Variants in TC2N observed in about 807,000 individuals in gnomAD.
TC2N encodes the protein tandem C2 domains nuclear protein.
A neutral mutation model predicts 61.9 loss-of-function variants in TC2N; 51 were observed. That is an observed-to-expected ratio of 0.82 (90% confidence interval 0.66 to 1.04). The LOEUF (loss-of-function observed/expected upper bound fraction) is 1.04. TC2N is among the 50% of genes least tolerant of loss of function. The pLI is 0.00. For synonymous variants in TC2N, 204 were observed against 192.6 expected (o/e 1.06, Z -0.49); for missense variants, 556 against 566.7 (o/e 0.98, Z 0.19).
rs147867003 is a variant in TC2N at position 91,854,674 on chromosome 14, A to G, written c.-57+12588T>C. Among the ~76,000 whole-genome samples, 56 of 152,314 alleles carry G rather than the reference A, an allele frequency of 3.7e-4. 1 individual carries two copies. In the East Asian group the frequency reaches 9.5e-3, roughly 26 times the overall value. On this transcript the variant is annotated intron_variant, in intron 1 of 11. Transcript: ENST00000435962. ...GGACAACCTCTTGTATTCCTTTAGTATCTCCTTGAAGCACCCAGGGAAGCA... is the reference window on the plus strand; with the variant it reads ...GGACAACCTCTTGTATTCCTTTAGTGTCTCCTTGAAGCACCCAGGGAAGCA...
chr14:91,814,128 T>C (rs909244907), intron 1 of TC2N, among the ~76,000 whole-genome samples: 1 of 149,802 alleles, frequency 6.7e-6, no homozygotes, highest in South Asian at 2.1e-4. Flanking sequence ...TGAAGAGATA[T>C]AGAGTAACAA....
chr14:91,807,621 G>A (rs1451435985), intron 3 of TC2N, among the ~76,000 whole-genome samples: 2 of 152,198 alleles, frequency 1.3e-5, no homozygotes, highest in East Asian at 3.8e-4. Flanking sequence ...TTTATCCAAT[G>A]TCTATACTCC....
chr14:91,789,324 C>T (rs891543858), intron 9 of TC2N, among the ~76,000 whole-genome samples: 9 of 150,814 alleles, frequency 6.0e-5, no homozygotes, highest in South Asian at 2.1e-4. Flanking sequence ...TGGCCAGGTG[C>T]GGTGGCTCAC....
At chr14:91,791,765 A>T (rs1007224676) in intron 9 of TC2N, among the ~76,000 whole-genome samples, 1 of 152,196 alleles carries the variant, frequency 6.6e-6, no homozygotes, top group Admixed American at 6.5e-5. Flanking sequence ...CTTAAAAAAA[A>T]AAAGGTTATT....
At chr14:91,846,955 G>A (rs773842679) in intron 1 of TC2N, among the ~76,000 whole-genome samples, 10 of 152,088 alleles carry the variant, frequency 6.6e-5, no homozygotes, top group Admixed American at 6.5e-5. Flanking sequence ...AACCCAATTC[G>A]AATGGTCATA....
chr14:91,836,830 G>A (rs1180081678), intron 1 of TC2N, among the ~76,000 whole-genome samples: 5 of 152,172 alleles, frequency 3.3e-5, no homozygotes, highest in Admixed American at 2.6e-4. Context: ...GGGGAAGAGA[G>A]GGGAAGCTAT....
intron 1 of TC2N, among the ~76,000 whole-genome samples, chr14:91,848,574 C>T (rs145096051): frequency 1.8e-3 from 275 of 152,334 alleles, no homozygotes; most frequent in African/African-American, 6.4e-3. Flanking sequence ...TCCAATTTCT[C>T]TCTGAAGAAA....
intron 9 of TC2N, among the ~76,000 whole-genome samples, chr14:91,788,533 A>T (rs955919621): frequency 6.6e-6 from 1 of 152,240 alleles, no homozygotes; most frequent in Non-Finnish European, 1.5e-5. Context: ...ACTGATTCCA[A>T]TAAAGTTACA....
At position 91,800,292 on chromosome 14, in the gene TC2N, G is replaced by T. The variant is rs77995634; in HGVS notation, c.550C>A (p.Arg184=). ...SMFDLTNSSQ[R]FIQRHDSLSS... is the part of the protein sequence containing the mutation. Reference sequence around the variant, plus strand: ...TGTAGATAATTCACCTGGATGAATCGCTGAGATGAGTTTGTAAGATCAAAC... The same window carrying T: ...TGTAGATAATTCACCTGGATGAATCTCTGAGATGAGTTTGTAAGATCAAAC... Residue 184 remains arginine, a synonymous_variant, in exon 5 of 12, where the codon CGA becomes AGA. Coordinates refer to ENST00000435962, the MANE Select transcript of TC2N (RefSeq NM_001128596.3). 2 of 1,589,624 alleles carry T rather than the reference G, an allele frequency of 1.3e-6. No homozygotes were observed. Among genetic ancestry groups the T allele is most frequent in the South Asian group, 1.1e-5 (1 of 87,308 alleles).
intron 1 of TC2N, among the ~76,000 whole-genome samples, chr14:91,856,152 G>A (rs191731445): frequency 5.2e-4 from 79 of 152,284 alleles, no homozygotes; most frequent in South Asian, 2.1e-4. Flanking sequence ...TGGGGTCAGG[G>A]TTAAGGCTCT....
chr14:91,814,488 G>C (rs936399000), intron 1 of TC2N, among the ~76,000 whole-genome samples: 6 of 151,082 alleles, frequency 4.0e-5, no homozygotes, highest in Admixed American at 4.0e-4. Flanking sequence ...AGCGGAGAGA[G>C]AGGGAAGGAG....
chr14:91,859,437 C>T (rs1345401074), intron 1 of TC2N, among the ~76,000 whole-genome samples: 1 of 152,170 alleles, frequency 6.6e-6, no homozygotes, highest in East Asian at 1.9e-4. Flanking sequence ...TCACCAAGAC[C>T]TATTGATTCC....
At chr14:91,794,708 C>T (rs542795720) in intron 8 of TC2N, among the ~76,000 whole-genome samples, 8 of 152,144 alleles carry the variant, frequency 5.3e-5, no homozygotes, top group Non-Finnish European at 7.4e-5. Context: ...CAATGCACTT[C>T]GTCACCCAAG....
At position 91,799,322 on chromosome 14, in the gene TC2N, A is replaced by C. The variant is rs76549949; in HGVS notation, c.562-258T>G. Among the ~76,000 whole-genome samples the C allele has an allele frequency of 5.9e-3, 892 of 152,198 alleles. 29 individuals are homozygous for C. The South Asian group carries it at 0.08, about 14-fold the overall frequency. ...TTGGTTTGGTTTTGTAATAAGGAGA[A>C]AGATATTACTGCTTAAGTTTCATAC... On this transcript the variant is annotated intron_variant, in intron 5 of 11. Transcript: ENST00000435962.
intron 5 of TC2N, among the ~76,000 whole-genome samples, chr14:91,799,319 A>G (rs760557188): frequency 3.1e-4 from 47 of 152,050 alleles, no homozygotes; most frequent in Non-Finnish European, 5.4e-4. Context: ...TGTAATAAGG[A>G]GAAAGATATT....
At chr14:91,847,024 G>A (rs143897547) in intron 1 of TC2N, among the ~76,000 whole-genome samples, 295 of 152,312 alleles carry the variant, frequency 1.9e-3, no homozygotes, top group Non-Finnish European at 3.2e-3. Context: ...TTGGGAGGCC[G>A]AGGCAGGCGG....
intron 1 of TC2N, among the ~76,000 whole-genome samples, chr14:91,862,924 T>TC (rs1418193685): frequency 6.6e-6 from 1 of 152,236 alleles, no homozygotes; most frequent in Non-Finnish European, 1.5e-5. Context: ...GGAGTCTACC[T>TC]CTCTGTATGA....
chr14:91,860,691 T>G (rs1384544757), intron 1 of TC2N, among the ~76,000 whole-genome samples: 2 of 152,212 alleles, frequency 1.3e-5, no homozygotes, highest in Non-Finnish European at 2.9e-5. Context: ...GCCCTTCCCC[T>G]CTTTCTATGC....
At chr14:91,791,300 A>AT (rs1173663291) in intron 9 of TC2N, among the ~76,000 whole-genome samples, 2 of 151,918 alleles carry the variant, frequency 1.3e-5, no homozygotes, top group Admixed American at 6.6e-5. Context: ...ATGTATGGGC[A>AT]TTTTTTTAAA....
Sources: allele counts gnomAD v4.1 joint callset (sites outside exome capture counted in the v4.1 genomes callset), GRCh38; gene constraint gnomAD v4.1.1; transcripts MANE v1.5; gene names NCBI Gene and HGNC (gene_info 2026-07-23, HGNC 2026-07-21).